Variants in APBB2 observed in about 807,000 individuals in gnomAD.
APBB2 encodes the protein amyloid beta precursor protein binding family B member 2, also known as Fe65-like 1.
Under a neutral mutation model 82.5 loss-of-function variants are expected in APBB2, and 38 were observed. That is an observed-to-expected ratio of 0.46 (90% CI 0.36 to 0.60). APBB2 has a LOEUF of 0.60. APBB2 is among the 20% of genes least tolerant of loss of function. The probability of loss-of-function intolerance (pLI) is 0.00; values close to 1 mark genes in which losing one functional copy is unlikely to be tolerated. For synonymous variants in APBB2, 341 were observed against 368.2 expected (o/e 0.93, Z 0.85); for missense variants, 772 against 972.3 (o/e 0.79, Z 2.74).
intron 1 of APBB2, among the ~76,000 whole-genome samples, chr4:41,168,204 GCCTGCAGTGAGCCGA>G (rs1168748642): frequency 3.8e-5 from 2 of 52,244 alleles, no homozygotes; most frequent in African/African-American, 1.7e-4. Context: ...GGGAGGCGGA[GCCTGCAGTGAGCCGA>G]AGCCTGCAGT....
intron 6 of APBB2, among the ~76,000 whole-genome samples, chr4:40,983,264 AAC>A (rs1271887035): frequency 3.3e-5 from 5 of 152,172 alleles, no homozygotes; most frequent in Non-Finnish European, 5.9e-5. Flanking sequence ...CTGTGCTCTT[AAC>A]CATCACACTA....
chr4:41,185,026 A>G (rs894947561), intron 1 of APBB2, among the ~76,000 whole-genome samples: 2 of 152,122 alleles, frequency 1.3e-5, no homozygotes, highest in African/African-American at 4.8e-5. Flanking sequence ...ATCTCCCTTC[A>G]CTAGAGTGTA....
intron 1 of APBB2, among the ~76,000 whole-genome samples, chr4:41,181,679 C>T (rs1771396466): frequency 6.6e-6 from 1 of 152,112 alleles, no homozygotes; most frequent in South Asian, 2.1e-4. Flanking sequence ...GGCACAGTGG[C>T]TCACGCCTAT....
intron 2 of APBB2, among the ~76,000 whole-genome samples, chr4:41,107,879 A>G (rs1428038056): frequency 1.3e-5 from 2 of 152,240 alleles, no homozygotes; most frequent in African/African-American, 4.8e-5. Context: ...AGGAAACTAA[A>G]AAGACAAAAT....
chr4:40,825,234 T>G lies in APBB2; in HGVS notation c.1816+653A>C, dbSNP rs532050719. On this transcript the variant is annotated intron_variant, in intron 15 of 17. Coordinates refer to ENST00000508593, the MANE Select transcript of APBB2 (RefSeq NM_004307.2). ...TTTTCACTTCTCTTGGGTCTACGCC[T>G]AGGAACTGAGTTGCTGGGTCTAAAG... Among the ~76,000 whole-genome samples the G allele has an allele frequency of 3.0e-4, 45 of 152,356 alleles. 1 individual carries two copies. The highest frequency in any genetic ancestry group is 8.3e-4 in the South Asian group (4 of 4,830).
Position 40,814,778 on chromosome 4 carries a change from T to C in APBB2, c.*1314A>G, listed in dbSNP as rs1322099467. Reference sequence around the variant, plus strand: ...TGTCTTTCCAGCTAAGTTTCTCACCTACATACGAAGGAGCAGGAAAATGCT... The same window carrying C: ...TGTCTTTCCAGCTAAGTTTCTCACCCACATACGAAGGAGCAGGAAAATGCT... On this transcript the variant is annotated 3_prime_UTR_variant, in exon 18 of 18. Coordinates refer to ENST00000508593, the MANE Select transcript of APBB2 (RefSeq NM_004307.2). The C allele has an allele frequency of 6.6e-6, 1 of 152,226 alleles. No homozygotes were observed. The highest frequency in any genetic ancestry group is 2.4e-5 in the African/African-American group (1 of 41,466). 9.4% of individuals were successfully genotyped at this position (152,226 alleles called of 1,614,324 possible).
intron 7 of APBB2, among the ~76,000 whole-genome samples, chr4:40,935,901 C>T (rs1785272983): frequency 6.6e-6 from 1 of 152,154 alleles, no homozygotes; most frequent in African/African-American, 2.4e-5. Context: ...CAAATCTAAA[C>T]AACTGCTCCA....
At chr4:40,938,288 T>C (rs535454024) in intron 7 of APBB2, among the ~76,000 whole-genome samples, 1 of 152,346 alleles carries the variant, frequency 6.6e-6, no homozygotes, top group South Asian at 2.1e-4. Context: ...TGCTCAGTTC[T>C]GGGAGAGCCT....
Position 40,816,131 on chromosome 4 carries a change from G to C in APBB2, c.2241C>G (p.Asp747Glu), listed in dbSNP as rs1314103912. The change falls in exon 18 of 18, where the codon GAC becomes GAG. Residue 747 changes from aspartate to glutamate, a missense_variant. Physicochemically the swap from Asp to Glu is conservative, Grantham distance 45. Transcript: ENST00000508593. ...TGACAGGGCGTTTCTGTTTCAAAGT[G>C]TCAATGAGGGATAAGACCCCTCGTT... is the stretch of plus-strand genomic sequence containing the variant. ...NVKRGVLSLI[D>E]TLKQKRPVTE... The C allele has an allele frequency of 1.9e-6, 3 of 1,614,132 alleles. No individual in the cohort carries two copies. Among genetic ancestry groups the C allele is most frequent in the Non-Finnish European group, 2.5e-6 (3 of 1,180,014 alleles).
intron 3 of APBB2, among the ~76,000 whole-genome samples, chr4:41,092,688 CA>C (rs77137726): frequency 2.1e-3 from 200 of 93,848 alleles, no homozygotes; most frequent in Admixed American, 2.9e-3. Flanking sequence ...GACTCCGTCT[CA>C]AAAAAAAAAA....
At chr4:40,879,811 C>A (rs1181776438) in intron 12 of APBB2, among the ~76,000 whole-genome samples, 1 of 151,934 alleles carries the variant, frequency 6.6e-6, no homozygotes, top group Non-Finnish European at 1.5e-5. Flanking sequence ...CCTGCCTAAG[C>A]CTCCCGAGTA....
intron 12 of APBB2, among the ~76,000 whole-genome samples, chr4:40,836,089 C>T (rs558047633): frequency 1.9e-4 from 29 of 152,246 alleles, no homozygotes; most frequent in African/African-American, 6.7e-4. Context: ...CAGGTGGGTG[C>T]TGGGACCCTG....
At chr4:41,052,973 C>A (rs537985379) in intron 4 of APBB2, among the ~76,000 whole-genome samples, 1 of 152,084 alleles carries the variant, frequency 6.6e-6, no homozygotes, top group Non-Finnish European at 1.5e-5. Context: ...CCATGTTGGC[C>A]AGGCTGGTCT....
chr4:40,845,588 C>CAAAAAAAAAAAAAAAAAAAAAAAA (rs71198606), intron 12 of APBB2, among the ~76,000 whole-genome samples: 1 of 56,482 alleles, frequency 1.8e-5, no homozygotes, highest in Non-Finnish European at 3.0e-5. Context: ...GGAAATTCCT[C>CAAAAAAAAAAAAAAAAAAAAAAAA]AAAAAAAAAA....
chr4:41,112,887 T>C (rs1227279673), intron 2 of APBB2, among the ~76,000 whole-genome samples: 2 of 152,036 alleles, frequency 1.3e-5, no homozygotes, highest in East Asian at 3.9e-4. Flanking sequence ...CTCAGGAGGC[T>C]GAGGCAGAAG....
chr4:40,924,366 T>A (rs1422133378), intron 10 of APBB2, among the ~76,000 whole-genome samples: 1 of 152,194 alleles, frequency 6.6e-6, no homozygotes, highest in Non-Finnish European at 1.5e-5. Flanking sequence ...CTCCCAAAGA[T>A]GGCTGCATTA....
At chr4:41,168,251 A>C (rs1307468886) in intron 1 of APBB2, among the ~76,000 whole-genome samples, 2 of 151,614 alleles carry the variant, frequency 1.3e-5, no homozygotes, top group Non-Finnish European at 2.9e-5. Flanking sequence ...GCGCCACTGC[A>C]CTCCAGCCTG....
In APBB2 at chr4:40,832,287, T is replaced by A. The variant is rs996227442; in HGVS notation, c.1530-1710A>T. ...AGCAGGCAACTGGCCATCGTGAAGG[T>A]CTGGCCGGAAAACCCTGCCTCGCAA... On this transcript the variant is annotated intron_variant, in intron 12 of 17. Transcript: ENST00000508593. The surrounding 1 kb of genome is among the most constrained non-coding windows in gnomAD (Gnocchi z 4.8). Among the ~76,000 whole-genome samples, 1 of 152,152 alleles carries A rather than the reference T, an allele frequency of 6.6e-6. No individual in the cohort carries two copies. Among genetic ancestry groups the A allele is most frequent in the Non-Finnish European group, 1.5e-5 (1 of 68,042 alleles).
chr4:40,963,639 A>C (rs1429425001), intron 6 of APBB2, among the ~76,000 whole-genome samples: 1 of 152,266 alleles, frequency 6.6e-6, no homozygotes, highest in Non-Finnish European at 1.5e-5. Context: ...CTTAGCTCTC[A>C]GAAGTGGGAA....
Sources: allele counts gnomAD v4.1 joint callset (sites outside exome capture counted in the v4.1 genomes callset), GRCh38; gene constraint gnomAD v4.1.1; non-coding constraint Gnocchi (gnomAD v3.1); transcripts MANE v1.5; gene names NCBI Gene and HGNC (gene_info 2026-07-23, HGNC 2026-07-21).